The following TTC39C variants were observed in gnomAD, a reference collection of about 807,000 sequenced individuals.
The protein encoded by TTC39C is tetratricopeptide repeat domain 39C.
A neutral mutation model predicts 76.3 loss-of-function variants in TTC39C; 33 were observed. That is an observed-to-expected ratio of 0.43 (90% CI 0.33 to 0.58). The LOEUF (loss-of-function observed/expected upper bound fraction) is 0.58. Ranked by LOEUF, TTC39C falls within the 20% of genes least tolerant of loss-of-function variation. The pLI is 0.04. For missense variants in TTC39C, 595 were observed against 701.4 expected, an observed-to-expected ratio of 0.85 and a Z score of 1.71; for synonymous variants, 254 against 260.6, an observed-to-expected ratio of 0.97 and a Z score of 0.24.
intron 1 of TTC39C, among the ~76,000 whole-genome samples, chr18:24,060,673 ATAAGATT>A (rs1568422866): frequency 6.6e-6 from 1 of 152,190 alleles, no homozygotes; most frequent in Non-Finnish European, 1.5e-5. Context: ...ATTCTGGACT[ATAAGATT>A]TAAAAGTTTA....
intron 4 of TTC39C, among the ~76,000 whole-genome samples, chr18:24,075,165 G>A (rs1426817560): frequency 3.3e-5 from 5 of 152,050 alleles, no homozygotes; most frequent in African/African-American, 7.2e-5. Flanking sequence ...TGGGGGGAGT[G>A]GGGAGGGTTG....
Position 24,114,544 on chromosome 18 carries a change from T to C in TTC39C, c.985-10T>C, listed in dbSNP as rs147134719. On this transcript the variant is annotated splice_polypyrimidine_tract_variant and intron_variant, in intron 6 of 13. Coordinates refer to ENST00000317571, the MANE Select transcript of TTC39C (RefSeq NM_001135993.2). ...CTTAGCTGGTAATTCTGTTTTCCTT[T>C]TCTCCTTAGTGTCAAATCAACAGTG... 66 of 1,609,602 alleles carry C rather than the reference T, an allele frequency of 4.1e-5. No individual in the cohort carries two copies. In the African/African-American group the frequency reaches 7.9e-4, roughly 19 times the overall value.
rs147348936 is a variant in TTC39C, at chr18:24,076,504, G to A, written c.461-4081G>A. 1.7e-3 allele frequency among the ~76,000 whole-genome samples: 255 copies of A among 151,984 alleles called. No individual in the cohort carries two copies. The Middle Eastern group carries it at 0.017, about 10-fold the overall frequency. ...CCCTGTAGGAGCCACAGTGCAGAGC[G>A]TCCTGTTCTCGGTGCTGCATTCTCC... On this transcript the variant is annotated intron_variant, in intron 4 of 13. Transcript: ENST00000317571.
intron 9 of TTC39C, 35 bp downstream of exon 9, chr18:24,123,978 A>G: frequency 6.7e-7 from 1 of 1,490,156 alleles, no homozygotes; most frequent in Non-Finnish European, 9.2e-7. Flanking sequence ...TGTATTACTT[A>G]TGATGGGCAT....
intron 3 of TTC39C, among the ~76,000 whole-genome samples, chr18:24,067,483 G>A (rs61712656): frequency 2.6e-5 from 4 of 152,186 alleles, no homozygotes; most frequent in Non-Finnish European, 5.9e-5. Context: ...GTGATCTGCA[G>A]GGCAGGTGAG....
At chr18:24,123,247 A>T (rs778287425) in intron 8 of TTC39C, among the ~76,000 whole-genome samples, 7 of 152,156 alleles carry the variant, frequency 4.6e-5, no homozygotes, top group Non-Finnish European at 8.8e-5. Flanking sequence ...GGATTTTGTT[A>T]TGTGAAAAAC....
At chr18:24,111,366 C>T (rs999334409) in intron 6 of TTC39C, among the ~76,000 whole-genome samples, 2 of 151,942 alleles carry the variant, frequency 1.3e-5, no homozygotes, top group African/African-American at 4.8e-5. Flanking sequence ...GTCAGGAGTT[C>T]GAGACCAGCC....
chr18:24,090,421 T>A (rs2084502162), intron 6 of TTC39C, among the ~76,000 whole-genome samples: 1 of 152,220 alleles, frequency 6.6e-6, no homozygotes, highest in Non-Finnish European at 1.5e-5. Flanking sequence ...ATTTCCATAA[T>A]GATACAAATT....
chr18:24,035,084 A>G (rs1184293929), intron 1 of TTC39C, among the ~76,000 whole-genome samples: 1 of 151,562 alleles, frequency 6.6e-6, no homozygotes, highest in African/African-American at 2.4e-5. Context: ...TCTCTTGCCT[A>G]GGCTTACGTA....
chr18:24,130,291 A>G (rs755618581), intron 11 of TTC39C, 22 bp from the exon 12 acceptor site: 9 of 1,379,256 alleles, frequency 6.5e-6, no homozygotes, highest in Non-Finnish European at 9.1e-6. Flanking sequence ...AATTCATCCA[A>G]TAACATTTGC....
At position 24,107,896 on chromosome 18, in the gene TTC39C, G is replaced by GGGC. The variant is rs1555776830; in HGVS notation, c.985-6656_985-6655insCGG. On this transcript the variant is annotated intron_variant, in intron 6 of 13. Transcript: ENST00000317571. ...ACCACAGCCTCCCAAGTAGGGGGGG[G>GGGC]GGTACAGGCATGTGCCACCAAGCCC... is the stretch of plus-strand genomic sequence containing the variant. Among the ~76,000 whole-genome samples the GGGC allele has an allele frequency of 1.9e-4, 24 of 124,252 alleles. No homozygotes were observed. The East Asian group carries it at 6.8e-3, about 35-fold the overall frequency. The allele number at this position is 124,252 out of a possible 152,430, so 81.5% of individuals were successfully genotyped here.
At chr18:24,055,053 A>G (rs1263205504) in intron 1 of TTC39C, among the ~76,000 whole-genome samples, 1 of 152,186 alleles carries the variant, frequency 6.6e-6, no homozygotes, top group Non-Finnish European at 1.5e-5. Context: ...AGGTTCATCC[A>G]TTTTGCCACA....
chr18:24,103,931 GTT>G (rs59092787), intron 6 of TTC39C, among the ~76,000 whole-genome samples: 3 of 138,314 alleles, frequency 2.2e-5, no homozygotes, highest in Non-Finnish European at 3.1e-5. Flanking sequence ...TTCTCTCTCT[GTT>G]TTTTTTTTTT....
At chr18:24,004,363 G>C (rs535514873) in intron 1 of TTC39C, among the ~76,000 whole-genome samples, 1 of 152,182 alleles carries the variant, frequency 6.6e-6, no homozygotes, top group Non-Finnish European at 1.5e-5. Context: ...TGTCTCAGAG[G>C]AGGTGGTAGG....
rs375355375 is a variant in TTC39C, at chr18:24,052,706, T to C, written c.168-11434T>C. 1.0e-3 allele frequency among the ~76,000 whole-genome samples: 153 copies of C among 152,332 alleles called. 3 individuals carry two copies. The highest frequency in any genetic ancestry group is 3.6e-3 in the African/African-American group (149 of 41,574). On this transcript the variant is annotated intron_variant, in intron 1 of 13. Transcript: ENST00000317571. ...GATTTCTTACTCACCCTCCTAGTTA[T>C]TTGGCTTGGAAGGAGTTGATGTTTT...
chr18:24,048,639 A>C (rs1044838059), intron 1 of TTC39C, among the ~76,000 whole-genome samples: 3 of 152,202 alleles, frequency 2.0e-5, no homozygotes, highest in Admixed American at 6.5e-5. Context: ...CTGAAATAGA[A>C]TTAGTTTTAT....
chr18:24,107,377 A>G (rs899437825), intron 6 of TTC39C, among the ~76,000 whole-genome samples: 1 of 151,918 alleles, frequency 6.6e-6, no homozygotes, highest in South Asian at 2.1e-4. Context: ...AATTTTGCCT[A>G]TTCTAACTGA....
intron 12 of TTC39C, 59 bp downstream of exon 12, chr18:24,130,476 G>A (rs1599355382): frequency 1.1e-5 from 7 of 610,968 alleles, no homozygotes; most frequent in Non-Finnish European, 1.6e-5. Context: ...CAAAAATGTG[G>A]AAGTGGGCAA....
At chr18:24,087,461 C>G (rs962745990) in intron 6 of TTC39C, among the ~76,000 whole-genome samples, 3 of 152,154 alleles carry the variant, frequency 2.0e-5, no homozygotes, top group Non-Finnish European at 2.9e-5. Flanking sequence ...AGTAATGTAA[C>G]TAATTTTTAA....
Sources: gnomAD v4.1 joint callset for allele counts (sites outside exome capture counted in the v4.1 genomes callset) on GRCh38, gnomAD v4.1.1 for gene constraint, MANE v1.5 for transcripts, NCBI Gene and HGNC (gene_info 2026-07-23, HGNC 2026-07-21) for gene names.